Variants in GPC6 observed in about 807,000 individuals in gnomAD.
GPC6 encodes glypican-6.
GPC6 carries 14 observed loss-of-function variants against 55.2 expected under a neutral mutation model. The ratio of observed to expected loss-of-function variants is 0.25; its 90% CI spans 0.17 to 0.40. The LOEUF (loss-of-function observed/expected upper bound fraction) is 0.40, where lower values mean the gene tolerates loss of function less well. Among genes scored for constraint, GPC6 ranks in the 10% least tolerant of loss-of-function variants. GPC6 has a pLI of 1.00. For missense variants in GPC6, 641 were observed against 708.5 expected (o/e 0.90, Z 1.08); for synonymous variants, 278 against 259.6 (o/e 1.07, Z -0.68).
intron 2 of GPC6, among the ~76,000 whole-genome samples, chr13:93,801,327 G>T (rs1349132291): frequency 1.3e-5 from 2 of 152,274 alleles, no homozygotes; most frequent in South Asian, 2.1e-4. Flanking sequence ...GAAGACAAAA[G>T]AATATACAAA....
intron 1 of GPC6, among the ~76,000 whole-genome samples, chr13:93,269,516 T>C (rs1877435960): frequency 6.6e-6 from 1 of 152,096 alleles, no homozygotes; most frequent in Non-Finnish European, 1.5e-5. Context: ...GCCTTTGCAA[T>C]TCTATTGTCC....
intron 4 of GPC6, among the ~76,000 whole-genome samples, chr13:94,198,185 A>G (rs1156282609): frequency 2.0e-5 from 3 of 152,136 alleles, no homozygotes; most frequent in Non-Finnish European, 4.4e-5. Flanking sequence ...TAGATCTAAC[A>G]GCTTAGACTC....
At chr13:94,373,439 A>C (rs7991186) in intron 6 of GPC6, among the ~76,000 whole-genome samples, 126,884 of 152,088 alleles carry the variant, frequency 0.83, 53,177 homozygotes, top group African/African-American at 0.92. Context: ...GGAGCCGATG[A>C]GATCAATTGG....
At chr13:93,920,899 C>T (rs933901434) in intron 3 of GPC6, among the ~76,000 whole-genome samples, 1 of 152,270 alleles carries the variant, frequency 6.6e-6, no homozygotes, top group South Asian at 2.1e-4. Flanking sequence ...TTTCATTAGC[C>T]TTAGGTCCCT....
chr13:94,003,215 A>G (rs1420003711), intron 3 of GPC6, among the ~76,000 whole-genome samples: 1 of 152,228 alleles, frequency 6.6e-6, no homozygotes, highest in African/African-American at 2.4e-5. Flanking sequence ...GAACCTGCCA[A>G]GAAGGTAGTG....
chr13:93,257,385 C>G (rs1348433221), intron 1 of GPC6, among the ~76,000 whole-genome samples: 1 of 152,146 alleles, frequency 6.6e-6, no homozygotes, highest in African/African-American at 2.4e-5. Flanking sequence ...ATAAAATAGT[C>G]TCTTCTCTTT....
chr13:93,798,687 G>C (rs989282852), intron 2 of GPC6, among the ~76,000 whole-genome samples: 14 of 152,230 alleles, frequency 9.2e-5, no homozygotes, highest in Non-Finnish European at 1.6e-4. Context: ...GGGAGGCTGA[G>C]GCAGGCAGAT....
intron 1 of GPC6, among the ~76,000 whole-genome samples, chr13:93,374,935 T>C (rs1874823240): frequency 6.6e-6 from 1 of 152,182 alleles, no homozygotes; most frequent in African/African-American, 2.4e-5. Flanking sequence ...TTATAATGCC[T>C]TTGGTCTTTG....
At chr13:93,831,507 AAAG>A (rs1887495091) in intron 3 of GPC6, among the ~76,000 whole-genome samples, 1 of 152,114 alleles carries the variant, frequency 6.6e-6, no homozygotes, top group African/African-American at 2.4e-5. Context: ...GGGCTGTGCC[AAAG>A]AGCCACAGTA....
chr13:93,709,262 T>C (rs1882966840), intron 2 of GPC6, among the ~76,000 whole-genome samples: 1 of 151,802 alleles, frequency 6.6e-6, no homozygotes, highest in Non-Finnish European at 1.5e-5. Context: ...TTTAAAATAC[T>C]GTTCACATCT....
chr13:93,427,383 GT>G (rs1877180283), intron 1 of GPC6, among the ~76,000 whole-genome samples: 1 of 151,456 alleles, frequency 6.6e-6, no homozygotes, highest in African/African-American at 2.4e-5. Context: ...AAACAGCATG[GT>G]ACTGGTACCA....
At chr13:93,394,908 C>G (rs1875784378) in intron 1 of GPC6, 1 of 164,596 alleles carries the variant, frequency 6.1e-6, no homozygotes, top group Admixed American at 6.4e-5. Context: ...CATTGAAACC[C>G]TTTGTCAGAA....
chr13:93,952,225 G>A (rs1350573087), intron 3 of GPC6, among the ~76,000 whole-genome samples: 1 of 151,886 alleles, frequency 6.6e-6, no homozygotes, highest in African/African-American at 2.4e-5. Context: ...ATTGAAATCA[G>A]GTAACAAAAT....
chr13:93,960,185 C>G (rs1419943778), intron 3 of GPC6, among the ~76,000 whole-genome samples: 2 of 152,156 alleles, frequency 1.3e-5, no homozygotes, highest in Non-Finnish European at 2.9e-5. Flanking sequence ...CTCCTGTGGT[C>G]CTAGTCTTTC....
At chr13:93,730,972 T>C (rs1307994619) in intron 2 of GPC6, among the ~76,000 whole-genome samples, 1 of 152,188 alleles carries the variant, frequency 6.6e-6, no homozygotes, top group African/African-American at 2.4e-5. Flanking sequence ...TTATGATATG[T>C]TGACAGCATT....
At chr13:94,269,501 T>C (rs1320803549) in intron 4 of GPC6, among the ~76,000 whole-genome samples, 1 of 152,238 alleles carries the variant, frequency 6.6e-6, no homozygotes, top group East Asian at 1.9e-4. Flanking sequence ...AAAGGTCAAG[T>C]ATTTTTGTGG....
intron 3 of GPC6, among the ~76,000 whole-genome samples, chr13:93,975,737 C>T (rs928636033): frequency 6.6e-6 from 1 of 151,978 alleles, no homozygotes; most frequent in African/African-American, 2.4e-5. Flanking sequence ...GAGGAGAGAC[C>T]CATACATTTA....
intron 1 of GPC6, among the ~76,000 whole-genome samples, chr13:93,455,750 C>G: frequency 6.6e-6 from 1 of 152,116 alleles, no homozygotes; most frequent in South Asian, 2.1e-4. Context: ...AGGCATGTTT[C>G]ATTGTGTCTC....
At chr13:93,601,850 C>T (rs953806384) in intron 2 of GPC6, among the ~76,000 whole-genome samples, 4 of 152,234 alleles carry the variant, frequency 2.6e-5, no homozygotes, top group South Asian at 2.1e-4. Context: ...CAGGAACTGC[C>T]GAGTAAACTG....
Sources: gnomAD v4.1 joint callset for allele counts (sites outside exome capture counted in the v4.1 genomes callset) on GRCh38, gnomAD v4.1.1 for gene constraint, MANE v1.5 for transcripts, NCBI Gene and HGNC (gene_info 2026-07-23, HGNC 2026-07-21) for gene names.